The following ASPH variants were observed in gnomAD, a reference collection of about 807,000 sequenced individuals.
The protein encoded by ASPH is aspartate beta-hydroxylase, also known as aspartyl/asparaginyl beta-hydroxylase.
Under a neutral mutation model 118.4 loss-of-function variants are expected in ASPH, and 100 were observed. The ratio of observed to expected loss-of-function variants is 0.84; its 90% confidence interval spans 0.72 to 1.00. ASPH has a LOEUF of 1.00. Ranked by LOEUF, ASPH falls within the 50% of genes least tolerant of loss-of-function variation. ASPH has a pLI of 0.00. For missense variants in ASPH, 920 were observed against 919.5 expected (o/e 1.00, Z -0.01); for synonymous variants, 315 against 325.6 (o/e 0.97, Z 0.35).
intron 21 of ASPH, among the ~76,000 whole-genome samples, chr8:61,528,314 C>T (rs1019182341): frequency 6.6e-6 from 1 of 152,064 alleles, no homozygotes; most frequent in African/African-American, 2.4e-5. Flanking sequence ...AAAAATGCAC[C>T]CTAGGATTTC....
In ASPH at chr8:61,684,150, C is replaced by T. The variant is rs1202877763; in HGVS notation, c.142G>A (p.Gly48Arg). 14 of 1,613,286 alleles carry T rather than the reference C, an allele frequency of 8.7e-6. No homozygotes were observed. Among genetic ancestry groups the T allele is most frequent in the South Asian group, 1.1e-5 (1 of 91,014 alleles). ...GTGAAGAATGAAGTTCCTGAGAGTC[C>T]GCCTTTCCTCCCATTCTTGTGTCCT... Reference protein sequence around the residue: ...HGGHKNGRKGGLSGTSFFTWF... With the variant: ...HGGHKNGRKGRLSGTSFFTWF... Residue 48 changes from glycine to arginine, a missense_variant, in exon 2 of 25, where the codon GGA (glycine) becomes AGA (arginine). Gly to Arg is a moderately radical substitution (Grantham distance 125, BLOSUM62 -2). Coordinates refer to ENST00000379454, the MANE Select transcript of ASPH (RefSeq NM_004318.4).
intron 21 of ASPH, among the ~76,000 whole-genome samples, chr8:61,531,056 A>T (rs1426592993): frequency 1.3e-5 from 2 of 152,212 alleles, no homozygotes; most frequent in Non-Finnish European, 2.9e-5. Flanking sequence ...TTCATACTTG[A>T]GTTGTAATGA....
At chr8:61,518,671 G>A (rs1037357697) in intron 22 of ASPH, among the ~76,000 whole-genome samples, 37 of 152,144 alleles carry the variant, frequency 2.4e-4, no homozygotes, top group East Asian at 1.2e-3. Context: ...AGTACTGTAC[G>A]GTATTTTATC....
chr8:61,587,975 T>C (rs1174886926), intron 14 of ASPH, among the ~76,000 whole-genome samples: 1 of 152,062 alleles, frequency 6.6e-6, no homozygotes, highest in Non-Finnish European at 1.5e-5. Context: ...GGGTAAGAAA[T>C]GGGTGATGTG....
At position 61,683,914 on chromosome 8, in the gene ASPH, T is replaced by C; in HGVS notation, c.253+125A>G. 2 of 1,118,194 alleles carry C rather than the reference T, an allele frequency of 1.8e-6. 1 individual carries two copies. The highest frequency in any genetic ancestry group is 2.5e-6 in the Non-Finnish European group (2 of 788,656). 69.3% of individuals were successfully genotyped at this position (1,118,194 alleles called of 1,614,324 possible). ...TTCATATCCCCTTTCAGCCTCACTCTATTGAGAACCACTGAAAGGCTATAG... is the reference window on the plus strand; with the variant it reads ...TTCATATCCCCTTTCAGCCTCACTCCATTGAGAACCACTGAAAGGCTATAG... On this transcript the variant is annotated intron_variant, in intron 2 of 24. Transcript: ENST00000379454.
chr8:61,568,422 C>A (rs1832474262), intron 16 of ASPH, among the ~76,000 whole-genome samples: 1 of 152,084 alleles, frequency 6.6e-6, no homozygotes, highest in Admixed American at 6.5e-5. Flanking sequence ...GTTTGGGCTT[C>A]AGTGATTACT....
chr8:61,588,254 T>TGAA (rs757981063), intron 14 of ASPH, among the ~76,000 whole-genome samples: 4 of 152,220 alleles, frequency 2.6e-5, no homozygotes, highest in Non-Finnish European at 5.9e-5. Context: ...AAGGAACACT[T>TGAA]ACATTTCAAA....
intron 21 of ASPH, among the ~76,000 whole-genome samples, chr8:61,541,058 G>C (rs541152791): frequency 1.3e-5 from 2 of 152,154 alleles, no homozygotes; most frequent in East Asian, 1.9e-4. Flanking sequence ...AGGAGATCGA[G>C]ACCATCCTGG....
intron 24 of ASPH, among the ~76,000 whole-genome samples, chr8:61,515,949 G>A (rs1810739725): frequency 6.6e-6 from 1 of 152,132 alleles, no homozygotes; most frequent in South Asian, 2.1e-4. Flanking sequence ...GTCCCCATAG[G>A]ATTCACCCAT....
intron 24 of ASPH, among the ~76,000 whole-genome samples, chr8:61,511,562 C>T (rs1455139124): frequency 1.3e-5 from 2 of 152,140 alleles, no homozygotes; most frequent in African/African-American, 4.8e-5. Flanking sequence ...ATGTTTATCC[C>T]CTGACTCAGG....
chr8:61,519,608 C>T (rs1812207677), intron 22 of ASPH, among the ~76,000 whole-genome samples: 1 of 152,190 alleles, frequency 6.6e-6, no homozygotes, highest in African/African-American at 2.4e-5. Context: ...TATCAGCTCA[C>T]ATTAAAATAG....
rs1564104743 is a variant in ASPH at position 61,633,679 on chromosome 8, A to AT, written c.934+3dup. 3 of 1,596,846 alleles carry AT rather than the reference A, an allele frequency of 1.9e-6. No homozygotes were observed. Among genetic ancestry groups the AT allele is most frequent in the African/African-American group, 1.3e-5 (1 of 74,388 alleles). On this transcript the variant is annotated splice_donor_region_variant and intron_variant, in intron 13 of 24. Coordinates refer to ENST00000379454, the MANE Select transcript of ASPH (RefSeq NM_004318.4). ...AGGAAAATACAACATACAAAATGTC[A>AT]TACCTGGTGGTACTTCCTGCTGTTC...
chr8:61,621,154 C>T (rs1384921100), intron 13 of ASPH, among the ~76,000 whole-genome samples: 1 of 152,078 alleles, frequency 6.6e-6, no homozygotes, highest in African/African-American at 2.4e-5. Flanking sequence ...CATTCCAGGC[C>T]CCAGGCCAAA....
At chr8:61,547,810 T>C (rs1824480712) in intron 21 of ASPH, among the ~76,000 whole-genome samples, 1 of 152,064 alleles carries the variant, frequency 6.6e-6, no homozygotes, top group African/African-American at 2.4e-5. Flanking sequence ...TTCCTTGGGG[T>C]AGTCAATAAT....
At position 61,548,073 on chromosome 8, in the gene ASPH, T is replaced by G; in HGVS notation, c.1762A>C (p.Lys588Gln). Residue 588 changes from lysine (K) to glutamine (Q), a missense_variant and splice_region_variant, in exon 21 of 25, where the codon AAG becomes CAG. Lys to Gln is a moderately conservative substitution (Grantham distance 53, BLOSUM62 1). Coordinates refer to ENST00000379454, the MANE Select transcript of ASPH (RefSeq NM_004318.4). ...GATGATGTCTAAGTTATACTTACCT[T>G]TACTAACTCTGTGTAGCCCGTTTCT... ...PKETGYTELV[K>Q]SLERNWKLIR... The G allele has an allele frequency of 6.2e-7, 1 of 1,613,112 alleles. No homozygotes were observed. The highest frequency in any genetic ancestry group is 1.1e-5 in the South Asian group (1 of 90,956).
rs919442773 is a variant in ASPH, at chr8:61,566,260, A to G, written c.1300+908T>C. Reference sequence around the variant, plus strand: ...CCTCATTAATGACTTTGAGGGGTTCAAGACTTCAGTGGAGGAAGTAACTAC... The same window carrying G: ...CCTCATTAATGACTTTGAGGGGTTCGAGACTTCAGTGGAGGAAGTAACTAC... On this transcript the variant is annotated intron_variant, in intron 17 of 24. Coordinates refer to ENST00000379454, the MANE Select transcript of ASPH (RefSeq NM_004318.4). Among the ~76,000 whole-genome samples the G allele has an allele frequency of 2.0e-5, 3 of 152,240 alleles. No individual in the cohort carries two copies. In the East Asian group the frequency reaches 5.8e-4, roughly 29 times the overall value.
chr8:61,591,468 C>G (rs113487937), intron 14 of ASPH, among the ~76,000 whole-genome samples: 12 of 151,252 alleles, frequency 7.9e-5, no homozygotes, highest in Non-Finnish European at 1.5e-4. Context: ...AACATTTATT[C>G]TACATCTTAT....
chr8:61,589,360 A>G (rs2132852701), intron 14 of ASPH, among the ~76,000 whole-genome samples: 1 of 152,288 alleles, frequency 6.6e-6, no homozygotes, highest in South Asian at 2.1e-4. Context: ...AACACTTGGG[A>G]ATAAAAACAG....
intron 22 of ASPH, among the ~76,000 whole-genome samples, chr8:61,524,760 T>C (rs1021992592): frequency 1.3e-5 from 2 of 150,132 alleles, no homozygotes; most frequent in African/African-American, 4.9e-5. Context: ...TACTTTTTTT[T>C]TTTTTTGGCA....
Sources: gnomAD v4.1 joint callset for allele counts (sites outside exome capture counted in the v4.1 genomes callset) on GRCh38, gnomAD v4.1.1 for gene constraint, MANE v1.5 for transcripts, NCBI Gene and HGNC (gene_info 2026-07-23, HGNC 2026-07-21) for gene names.